Variants in RASAL2 observed in about 807,000 individuals in gnomAD.
RASAL2 encodes the protein RAS protein activator like 2.
Under a neutral mutation model 128.9 loss-of-function variants are expected in RASAL2, and 58 were observed. The observed-to-expected ratio is 0.45, with a 90% CI of 0.36 to 0.56. RASAL2 has a LOEUF of 0.56. Among genes scored for constraint, RASAL2 ranks in the 20% least tolerant of loss-of-function variants. RASAL2 has a pLI of 0.00. For synonymous variants in RASAL2, 561 were observed against 580.8 expected, an observed-to-expected ratio of 0.97 and a Z score of 0.49; for missense variants, 1,360 against 1,601.6, an observed-to-expected ratio of 0.85 and a Z score of 2.57.
intron 3 of RASAL2, among the ~76,000 whole-genome samples, chr1:178,384,332 C>A (rs1417871990): frequency 6.6e-6 from 1 of 152,086 alleles, no homozygotes; most frequent in Admixed American, 6.6e-5. Flanking sequence ...CTATAAATAT[C>A]TTTCTACATT....
At chr1:178,342,828 C>G (rs1485166699) in intron 3 of RASAL2, among the ~76,000 whole-genome samples, 1 of 152,114 alleles carries the variant, frequency 6.6e-6, no homozygotes, top group Non-Finnish European at 1.5e-5. Context: ...ATCCAAGGTC[C>G]ATTTCTGTTT....
intron 3 of RASAL2, chr1:178,341,576 A>C: frequency 2.5e-6 from 4 of 1,614,002 alleles, no homozygotes; most frequent in Non-Finnish European, 3.4e-6. Context: ...TCATGTTAGC[A>C]CACCCAGAAA....
At chr1:178,314,189 C>G (rs1333113701) in intron 3 of RASAL2, among the ~76,000 whole-genome samples, 2 of 152,178 alleles carry the variant, frequency 1.3e-5, no homozygotes, top group Admixed American at 1.3e-4. Context: ...TCACAGCAAC[C>G]TTTGCTCACG....
intron 15 of RASAL2, among the ~76,000 whole-genome samples, chr1:178,465,181 T>C (rs908836558): frequency 6.6e-6 from 1 of 152,086 alleles, no homozygotes; most frequent in Non-Finnish European, 1.5e-5. Context: ...CAGCAAGCAG[T>C]ACAAAATTGG....
At chr1:178,096,487 TAAGA>T (rs1558050961) in intron 1 of RASAL2, among the ~76,000 whole-genome samples, 5 of 147,638 alleles carry the variant, frequency 3.4e-5, no homozygotes, top group Admixed American at 6.8e-5. Flanking sequence ...TGTGTGTGTG[TAAGA>T]GAGAGAGAGA....
intron 1 of RASAL2, among the ~76,000 whole-genome samples, chr1:178,097,057 G>A (rs1658717724): frequency 1.3e-5 from 2 of 152,200 alleles, no homozygotes; most frequent in South Asian, 4.1e-4. Flanking sequence ...AACCTTCGTT[G>A]TCTTGGATCA....
At chr1:178,265,898 A>C (rs570333298) in intron 1 of RASAL2, among the ~76,000 whole-genome samples, 1 of 152,320 alleles carries the variant, frequency 6.6e-6, no homozygotes, top group Admixed American at 6.5e-5. Context: ...GCTCAACGTT[A>C]TATTTGTGAG....
chr1:178,331,423 A>C (rs1035513584), intron 3 of RASAL2, among the ~76,000 whole-genome samples: 1 of 152,122 alleles, frequency 6.6e-6, no homozygotes, highest in Non-Finnish European at 1.5e-5. Context: ...TTATTTGTCA[A>C]GTTGTCTATT....
intron 1 of RASAL2, among the ~76,000 whole-genome samples, chr1:178,147,479 C>CAAAAAAAAAAAAAA (rs71297899): frequency 1.2e-5 from 1 of 82,972 alleles, no homozygotes; most frequent in African/African-American, 4.2e-5. Context: ...GACTCCGTCT[C>CAAAAAAAAAAAAAA]AAAAAAAAAA....
intron 1 of RASAL2, among the ~76,000 whole-genome samples, chr1:178,158,236 C>G (rs1661148640): frequency 6.6e-6 from 1 of 152,200 alleles, no homozygotes; most frequent in Non-Finnish European, 1.5e-5. Flanking sequence ...GGATGTGCAT[C>G]ATAGTATAGC....
At position 178,477,137 on chromosome 1, in the gene RASAL2, T is replaced by C. The variant is rs1648730093; in HGVS notation, c.*3898T>C. 1 of 152,318 alleles carries C rather than the reference T, an allele frequency of 6.6e-6. No individual in the cohort carries two copies. The highest frequency in any genetic ancestry group is 2.1e-4 in the South Asian group (1 of 4,828). 9.4% of individuals were successfully genotyped at this position (152,318 alleles called of 1,614,324 possible). A position where few individuals can be genotyped will look rare whatever the true frequency, so the allele number is the denominator to read the frequency against. On this transcript the variant is annotated 3_prime_UTR_variant, in exon 18 of 18. Coordinates refer to ENST00000367649, the MANE Select transcript of RASAL2 (RefSeq NM_170692.4). ...TTCAGCTACACCTTTGGAGGCCACC[T>C]TCTCCTATCAACTGTGGAAAGCCAG...
At chr1:178,370,427 G>A (rs1286780629) in intron 3 of RASAL2, among the ~76,000 whole-genome samples, 1 of 152,174 alleles carries the variant, frequency 6.6e-6, no homozygotes, top group African/African-American at 2.4e-5. Flanking sequence ...TGCATAGCCT[G>A]TGGATTTTAA....
chr1:178,279,615 A>G (rs898711909), intron 1 of RASAL2, among the ~76,000 whole-genome samples: 2 of 152,176 alleles, frequency 1.3e-5, no homozygotes, highest in African/African-American at 4.8e-5. Flanking sequence ...CTGATAGTTT[A>G]AAACTATTTT....
Position 178,112,816 on chromosome 1 carries a change from G to A in RASAL2, c.202+18122G>A, listed in dbSNP as rs895472003. Among the ~76,000 whole-genome samples the A allele has an allele frequency of 1.1e-4, 16 of 149,758 alleles. 2 individuals are homozygous for A. Among genetic ancestry groups the A allele is most frequent in the Admixed American group, 1.1e-3 (16 of 15,004 alleles). Reference sequence around the variant, plus strand: ...GGAGATATACCTAATGCTAGATGACGAGTTAGTGGGTGCAGCACACCAGCA... The same window carrying A: ...GGAGATATACCTAATGCTAGATGACAAGTTAGTGGGTGCAGCACACCAGCA... On this transcript the variant is annotated intron_variant, in intron 1 of 17. Transcript: ENST00000367649.
chr1:178,357,366 A>G (rs1248065270), intron 3 of RASAL2, among the ~76,000 whole-genome samples: 1 of 149,922 alleles, frequency 6.7e-6, no homozygotes, highest in Non-Finnish European at 1.5e-5. Flanking sequence ...TTTTTTTCGA[A>G]TGGTCAGTTC....
intron 9 of RASAL2, among the ~76,000 whole-genome samples, chr1:178,447,673 TAAAAA>T (rs60358768): frequency 1.5e-3 from 86 of 56,042 alleles, no homozygotes; most frequent in African/African-American, 4.4e-3. Context: ...CTCCTTCTCT[TAAAAA>T]AAAAAAAAAA....
intron 3 of RASAL2, among the ~76,000 whole-genome samples, chr1:178,377,024 A>C (rs913997369): frequency 6.6e-6 from 1 of 152,170 alleles, no homozygotes; most frequent in Non-Finnish European, 1.5e-5. Context: ...GAAAATACTC[A>C]GCGTATACTT....
intron 1 of RASAL2, among the ~76,000 whole-genome samples, chr1:178,157,476 C>T (rs1338767499): frequency 6.6e-6 from 1 of 152,110 alleles, no homozygotes; most frequent in Non-Finnish European, 1.5e-5. Context: ...GGGAATTGGT[C>T]AGTGGGGAAG....
intron 3 of RASAL2, among the ~76,000 whole-genome samples, chr1:178,336,948 CTTA>C (rs1287705127): frequency 1.3e-5 from 2 of 151,778 alleles, no homozygotes; most frequent in Admixed American, 6.6e-5. Context: ...TTAGATTTTG[CTTA>C]TTATTATTAT....
Sources: gnomAD v4.1 joint callset for allele counts (sites outside exome capture counted in the v4.1 genomes callset) on GRCh38, gnomAD v4.1.1 for gene constraint, MANE v1.5 for transcripts, NCBI Gene and HGNC (gene_info 2026-07-23, HGNC 2026-07-21) for gene names.